Variants in COL1A2 observed in about 807,000 individuals in gnomAD.
COL1A2 encodes collagen type I alpha 2 chain, also known as collagen alpha-2(I) chain.
Under a neutral mutation model 174.3 loss-of-function variants are expected in COL1A2, and 49 were observed. That is an observed-to-expected ratio of 0.28 (90% CI 0.22 to 0.36). The LOEUF is 0.36. Among genes scored for constraint, COL1A2 ranks in the 10% least tolerant of loss-of-function variants. The pLI is 1.00. For missense variants in COL1A2, 1,438 were observed against 1,822.7 expected, an observed-to-expected ratio of 0.79 and a Z score of 3.84; for synonymous variants, 655 against 606.6, an observed-to-expected ratio of 1.08 and a Z score of -1.17.
chr7:94,425,111 G>A lies in COL1A2; in HGVS notation c.2674-6G>A. Reference sequence around the variant, plus strand: ...GAATGTCATTTTATCTTCTCTGCCTGTTTAGGGTGAACCTGGTCCTCTTGG... The same window carrying A: ...GAATGTCATTTTATCTTCTCTGCCTATTTAGGGTGAACCTGGTCCTCTTGG... On this transcript the variant is annotated splice_polypyrimidine_tract_variant and splice_region_variant and intron_variant, in intron 41 of 51. Transcript: ENST00000297268. 6.2e-7 allele frequency: 1 copy of A among 1,613,514 alleles called. No individual in the cohort carries two copies. Among genetic ancestry groups the A allele is most frequent in the South Asian group, 1.1e-5 (1 of 91,068 alleles).
intron 51 of COL1A2, 88 bp from the exon 52 acceptor site, chr7:94,430,159 C>G (rs1792368578): frequency 9.2e-6 from 12 of 1,305,350 alleles, no homozygotes; most frequent in Admixed American, 1.7e-5. Context: ...ACATGCCAAA[C>G]AGTGGTTCTT....
At chr7:94,413,188 C>G in intron 26 of COL1A2, 52 bp downstream of exon 26, 1 of 1,550,446 alleles carries the variant, frequency 6.4e-7, no homozygotes. Context: ...ATCTAAGAAC[C>G]ACACTTTTTT....
In COL1A2 at chr7:94,412,995, C is replaced by A. The variant is rs994971408; in HGVS notation, c.1504-88C>A. The A allele has an allele frequency of 9.4e-6, 12 of 1,280,776 alleles. No homozygotes were observed. The East Asian group carries it at 2.8e-4, about 30-fold the overall frequency. 79.3% of individuals were successfully genotyped at this position (1,280,776 alleles called of 1,614,324 possible). A position where few individuals can be genotyped will look rare whatever the true frequency, so the allele number is the denominator to read the frequency against. On this transcript the variant is annotated intron_variant, in intron 25 of 51. Transcript: ENST00000297268. ...GATCTCAAAAGAACACAAAAACAAGCAGGATTCAACATTGCAAAATCACCG... is the reference window on the plus strand; with the variant it reads ...GATCTCAAAAGAACACAAAAACAAGAAGGATTCAACATTGCAAAATCACCG...
chr7:94,429,923 C>T lies in COL1A2; in HGVS notation c.3955-324C>T, dbSNP rs992350697. 2.0e-4 allele frequency: 71 copies of T among 358,906 alleles called. 1 individual carries two copies. In the Admixed American group the frequency reaches 2.5e-3, roughly 12 times the overall value. The allele number at this position is 358,906 out of a possible 1,614,324, so 22.2% of individuals were successfully genotyped here. Reference sequence around the variant, plus strand: ...CAAGACTACATACCCACCCAGGTCCCGCTCCCAAAGACACACATAGAGGGA... The same window carrying T: ...CAAGACTACATACCCACCCAGGTCCTGCTCCCAAAGACACACATAGAGGGA... On this transcript the variant is annotated intron_variant, in intron 51 of 51. Transcript: ENST00000297268.
intron 32 of COL1A2, 24 bp from the exon 33 acceptor site, chr7:94,418,475 G>T (rs745523404): frequency 5.4e-5 from 87 of 1,612,510 alleles, no homozygotes; most frequent in Non-Finnish European, 7.0e-5. Flanking sequence ...AAAACAAAAA[G>T]TTGCTCTTGC....
At chr7:94,420,480 T>C (rs1449790131) in intron 36 of COL1A2, 36 bp downstream of exon 36, 8 of 1,614,004 alleles carry the variant, frequency 5.0e-6, no homozygotes, top group Non-Finnish European at 5.9e-6. Context: ...TCTGAAAACA[T>C]CCTAAGTTGG....
chr7:94,418,770 T>A (rs1792094390), intron 33 of COL1A2, among the ~76,000 whole-genome samples: 1 of 152,186 alleles, frequency 6.6e-6, no homozygotes, highest in Middle Eastern at 3.4e-3. Flanking sequence ...ATATCCTGAA[T>A]TTTCTAACTT....
In COL1A2 at chr7:94,427,705, T is replaced by C. The variant is rs1368149627; in HGVS notation, c.3346T>C (p.Phe1116Leu). 9 of 1,614,040 alleles carry C rather than the reference T, an allele frequency of 5.6e-6. No individual in the cohort carries two copies. The Admixed American group carries it at 6.7e-5, about 12-fold the overall frequency. ...GGYDFGYDGD[F>L]YRADQPRSAP... ...TTATGACTTTGGTTACGATGGAGAC[T>C]TCTACAGGGCTGACCAGCCTCGCTC... The change falls in exon 49 of 52, where the codon TTC (phenylalanine) becomes CTC (leucine). Residue 1116 changes from phenylalanine to leucine, a missense_variant. By Grantham distance (22) the Phe-to-Leu change is conservative (BLOSUM62 0). Coordinates refer to ENST00000297268, the MANE Select transcript of COL1A2 (RefSeq NM_000089.4).
chr7:94,425,247 A>T (rs1792249654), intron 42 of COL1A2, 23 bp downstream of exon 42: 1 of 1,591,838 alleles, frequency 6.3e-7, no homozygotes, highest in African/African-American at 1.3e-5. Flanking sequence ...CTTGGTTTGT[A>T]AAATAAAACT....
Position 94,421,372 on chromosome 7 carries a change from C to G in COL1A2, c.2349+310C>G, listed in dbSNP as rs1253519585. ...TTCTTCTGCCTGACCATGTCCTTCTCCTTTGCAGGCAATGCTATCACAACA... is the reference window on the plus strand; with the variant it reads ...TTCTTCTGCCTGACCATGTCCTTCTGCTTTGCAGGCAATGCTATCACAACA... On this transcript the variant is annotated intron_variant, in intron 38 of 51. Transcript: ENST00000297268. 4 of 454,200 alleles carry G rather than the reference C, an allele frequency of 8.8e-6. No homozygotes were observed. In the East Asian group the frequency reaches 1.3e-4, roughly 15 times the overall value. The allele number at this position is 454,200 out of a possible 1,614,324, so 28.1% of individuals were successfully genotyped here.
At position 94,395,775 on chromosome 7, in the gene COL1A2, A is replaced by G. The variant is rs140452715; in HGVS notation, c.70+674A>G. 5.3e-3 allele frequency among the ~76,000 whole-genome samples: 805 copies of G among 152,336 alleles called. 9 individuals are homozygous for G. The highest frequency in any genetic ancestry group is 4.7e-3 in the Non-Finnish European group (319 of 68,036). The stretch of plus-strand genomic sequence containing the variant: ...TGGCTAGTCAGTGAACCCTGGAAAG[A>G]AGAATGGATGCTACTTGGAGTGGGT... On this transcript the variant is annotated intron_variant, in intron 1 of 51. Coordinates refer to ENST00000297268, the MANE Select transcript of COL1A2 (RefSeq NM_000089.4).
rs760095261 is a variant in COL1A2, at chr7:94,429,212, A to T, written c.3736A>T (p.Thr1246Ser). The T allele has an allele frequency of 1.9e-6, 3 of 1,612,238 alleles. No individual in the cohort carries two copies. In the Admixed American group the frequency reaches 5.0e-5, roughly 27 times the overall value. Reference sequence around the variant, plus strand: ...GTTTGAATATAATGTAGAAGGAGTGACTTCCAAGGAAATGGCTACCCAACT... The same window carrying T: ...GTTTGAATATAATGTAGAAGGAGTGTCTTCCAAGGAAATGGCTACCCAACT... ...SQFEYNVEGVTSKEMATQLAF... is the reference protein window; with the variant it reads ...SQFEYNVEGVSSKEMATQLAF... Residue 1246 changes from threonine to serine, a missense_variant, in exon 51 of 52, where the codon ACT becomes TCT. This residue lies in a region of COL1A2 where 290 missense variants were observed against 298.1 expected (regional missense o/e 0.97). Transcript: ENST00000297268.
Position 94,426,159 on chromosome 7 carries a change from A to T in COL1A2, c.2997+108A>T, listed in dbSNP as rs190170993. 729 of 1,139,806 alleles carry T rather than the reference A, an allele frequency of 6.4e-4. 1 individual carries two copies. In the African/African-American group the frequency reaches 9.7e-3, roughly 15 times the overall value. The allele number at this position is 1,139,806 out of a possible 1,614,324, so 70.6% of individuals were successfully genotyped here. Reference sequence around the variant, plus strand: ...ATATCAGCTAGACTTAATATTTTTTAAAAATTTCAGTCCATGCTGAGAATT... The same window carrying T: ...ATATCAGCTAGACTTAATATTTTTTTAAAATTTCAGTCCATGCTGAGAATT... On this transcript the variant is annotated intron_variant, in intron 45 of 51. Coordinates refer to ENST00000297268, the MANE Select transcript of COL1A2 (RefSeq NM_000089.4).
rs1033606245 is a variant in COL1A2, at chr7:94,412,453, T to G, written c.1405-131T>G. The G allele has an allele frequency of 7.2e-5, 54 of 745,222 alleles. No individual in the cohort carries two copies. In the African/African-American group the frequency reaches 9.4e-4, roughly 13 times the overall value. 46.2% of individuals were successfully genotyped at this position (745,222 alleles called of 1,614,324 possible). A position where few individuals can be genotyped will look rare whatever the true frequency, so the allele number is the denominator to read the frequency against. The stretch of plus-strand genomic sequence containing the variant: ...TTAGAAAAGGAAAATGGATTCATAA[T>G]TTATTAACGCTTTATACAAGAAGCT... On this transcript the variant is annotated intron_variant, in intron 24 of 51. Coordinates refer to ENST00000297268, the MANE Select transcript of COL1A2 (RefSeq NM_000089.4).
In COL1A2 at chr7:94,412,680, A is replaced by G; in HGVS notation, c.1501A>G (p.Thr501Ala). The G allele has an allele frequency of 6.2e-7, 1 of 1,613,964 alleles. No individual in the cohort carries two copies. Among genetic ancestry groups the G allele is most frequent in the Non-Finnish European group, 8.5e-7 (1 of 1,179,856 alleles). Residue 501 changes from threonine to alanine, a missense_variant and splice_region_variant, in exon 25 of 52, where the codon ACT (threonine) becomes GCT (alanine). By Grantham distance (58) the Thr-to-Ala change is moderately conservative. Coordinates refer to ENST00000297268, the MANE Select transcript of COL1A2 (RefSeq NM_000089.4). ...TGGATTCCCTGGACCCAAAGGCCCC[A>G]CTGTAAGAATCACCACAACTTTCTT... is the stretch of plus-strand genomic sequence containing the variant. The part of the protein sequence containing the change: ...NIGFPGPKGP[T>A]GDPGKNGDKG...
Position 94,426,407 on chromosome 7 carries a change from T to G in COL1A2, c.2998-16T>G. 1 of 1,573,192 alleles carries G rather than the reference T, an allele frequency of 6.4e-7. No individual in the cohort carries two copies. Among genetic ancestry groups the G allele is most frequent in the Non-Finnish European group, 8.6e-7 (1 of 1,157,458 alleles). On this transcript the variant is annotated splice_polypyrimidine_tract_variant and intron_variant, in intron 45 of 51. Transcript: ENST00000297268. ...TTAAAACGGTAAGTCTTATCCATCCTTCTGTTTCTTTATAGGGCCCACAAG... is the reference window on the plus strand; with the variant it reads ...TTAAAACGGTAAGTCTTATCCATCCGTCTGTTTCTTTATAGGGCCCACAAG...
Position 94,421,910 on chromosome 7 carries a change from T to A in COL1A2, c.2361T>A (p.Gly787=). 6.2e-7 allele frequency: 1 copy of A among 1,614,118 alleles called. No homozygotes were observed. The highest frequency in any genetic ancestry group is 8.5e-7 in the Non-Finnish European group (1 of 1,179,994). Reference sequence around the variant, plus strand: ...TGCTTGGCTCTTAGGGTATGACTGGTTTCCCTGGTGCTGCTGGACGGACTG... The same window carrying A: ...TGCTTGGCTCTTAGGGTATGACTGGATTCCCTGGTGCTGCTGGACGGACTG... ...RGDGGPPGMT[G]FPGAAGRTGP... The change falls in exon 39 of 52, where the codon GGT becomes GGA. Residue 787 remains glycine, a synonymous_variant. Transcript: ENST00000297268.
At position 94,428,316 on chromosome 7, in the gene COL1A2, C is replaced by A; in HGVS notation, c.3550C>A (p.Gln1184Lys). Residue 1184 changes from glutamine to lysine, a missense_variant, in exon 50 of 52, where the codon CAA becomes AAA. Coordinates refer to ENST00000297268, the MANE Select transcript of COL1A2 (RefSeq NM_000089.4). ...AGGTTACTACTGGATTGACCCTAAC[C>A]AAGGATGCACTATGGATGCTATCAA... is the stretch of plus-strand genomic sequence containing the variant. ...SSGYYWIDPNQGCTMDAIKVY... is the reference protein window; with the variant it reads ...SSGYYWIDPNKGCTMDAIKVY... 1 of 1,613,978 alleles carries A rather than the reference C, an allele frequency of 6.2e-7. No homozygotes were observed. Among genetic ancestry groups the A allele is most frequent in the Non-Finnish European group, 8.5e-7 (1 of 1,179,916 alleles).
rs914298374 is a variant in COL1A2, at chr7:94,429,510, G to C, written c.3954+80G>C. 4 of 1,507,374 alleles carry C rather than the reference G, an allele frequency of 2.7e-6. No homozygotes were observed. The African/African-American group carries it at 4.1e-5, about 16-fold the overall frequency. The allele number at this position is 1,507,374 out of a possible 1,614,324, so 93.4% of individuals were successfully genotyped here. Reference sequence around the variant, plus strand: ...TAACTTAGACTGCCCCCAAGGGGGGGTCTAAAGGGGGGTTAAAAGAACAGA... The same window carrying C: ...TAACTTAGACTGCCCCCAAGGGGGGCTCTAAAGGGGGGTTAAAAGAACAGA... On this transcript the variant is annotated intron_variant, in intron 51 of 51. Coordinates refer to ENST00000297268, the MANE Select transcript of COL1A2 (RefSeq NM_000089.4).
Sources: allele counts gnomAD v4.1 joint callset (sites outside exome capture counted in the v4.1 genomes callset), GRCh38; gene constraint gnomAD v4.1.1; regional missense constraint gnomAD v4.1.1; transcripts MANE v1.5; gene names NCBI Gene and HGNC (gene_info 2026-07-23, HGNC 2026-07-21).